Variants in POU3F3 observed in about 807,000 individuals in gnomAD.
The protein encoded by POU3F3 is POU class 3 homeobox 3, also known as POU domain, class 3, transcription factor 3.
A neutral mutation model predicts 8.6 loss-of-function variants in POU3F3; 1 was observed. The ratio of observed to expected loss-of-function variants is 0.12; its 90% CI spans 0.04 to 0.55. The LOEUF (loss-of-function observed/expected upper bound fraction) is 0.55. Ranked by LOEUF, POU3F3 falls within the 20% of genes least tolerant of loss-of-function variation. The pLI is 0.91. For synonymous variants in POU3F3, 418 were observed against 327.4 expected (o/e 1.28, Z -2.99); for missense variants, 577 against 690.7 (o/e 0.84, Z 1.84).
the POU3F3 span, among the ~76,000 whole-genome samples, chr2:104,922,230 T>C: frequency 6.6e-6 from 1 of 152,008 alleles, no homozygotes; most frequent in Non-Finnish European, 1.5e-5. Context: ...TAGATTCCAA[T>C]GTCTTGTTTT....
chr2:104,869,751 TCCC>T, the POU3F3 span: 2 of 151,902 alleles, frequency 1.3e-5, no homozygotes, highest in Admixed American at 6.6e-5. Flanking sequence ...CGCCCCTCGC[TCCC>T]CCCCACCTCC....
Position 104,855,264 on chromosome 2 carries a change from C to G in POU3F3, c.-247C>G, listed in dbSNP as rs1676526387. Among the ~76,000 whole-genome samples the G allele has an allele frequency of 6.7e-6, 1 of 149,758 alleles. No homozygotes were observed. Among genetic ancestry groups the G allele is most frequent in the Non-Finnish European group, 1.5e-5 (1 of 67,360 alleles). ...CCGGCCGGCGACCCCCGCGCCCTGCCGAGCGGCCTTGCAGCTGCAGCCGGG... is the reference window on the plus strand; with the variant it reads ...CCGGCCGGCGACCCCCGCGCCCTGCGGAGCGGCCTTGCAGCTGCAGCCGGG... On this transcript the variant is annotated 5_prime_UTR_variant, in exon 1 of 1. Coordinates refer to ENST00000361360, the MANE Select transcript of POU3F3 (RefSeq NM_006236.3).
chr2:104,855,605 GC>G lies in POU3F3; in HGVS notation c.96del (p.Gly34ValfsTer25). The G allele has an allele frequency of 1.0e-6, 1 of 972,856 alleles. No homozygotes were observed. Among genetic ancestry groups the G allele is most frequent in the Non-Finnish European group, 1.2e-6 (1 of 824,680 alleles). 60.3% of individuals were successfully genotyped at this position (972,856 alleles called of 1,614,324 possible). On this transcript the variant is annotated frameshift_variant, in exon 1 of 1. Transcript: ENST00000361360. LOFTEE classifies it low-confidence loss of function (END_TRUNC). ...VHSDAAGAGG[G>X]GGGGGGGGGG... ...TCGGACGCGGCAGGGGCTGGCGGCG[GC>G]GGGGGTGGCGGCGGCGGCGGCGGCG...
chr2:104,912,299 C>A, the POU3F3 span, among the ~76,000 whole-genome samples: 2 of 152,194 alleles, frequency 1.3e-5, no homozygotes, highest in Non-Finnish European at 2.9e-5. Context: ...GCTGGGGAAG[C>A]CTCCATCGTA....
the POU3F3 span, among the ~76,000 whole-genome samples, chr2:104,905,016 A>G: frequency 1.3e-3 from 192 of 152,280 alleles, no homozygotes; most frequent in African/African-American, 4.1e-3. Context: ...TATCAACCCC[A>G]TGGGTATTTA....
chr2:104,894,923 T>G, the POU3F3 span, among the ~76,000 whole-genome samples: 1 of 152,188 alleles, frequency 6.6e-6, no homozygotes, highest in Non-Finnish European at 1.5e-5. Flanking sequence ...TGTTCTCTTT[T>G]TTTTCTGTGC....
chr2:104,871,041 C>T, the POU3F3 span, among the ~76,000 whole-genome samples: 1 of 152,248 alleles, frequency 6.6e-6, no homozygotes, highest in Admixed American at 6.5e-5. Context: ...TTCATTTCCT[C>T]ACCTTCCAAA....
chr2:104,854,876 G>A lies in POU3F3; in HGVS notation c.-635G>A, dbSNP rs927077516. Among the ~76,000 whole-genome samples, 3 of 152,238 alleles carry A rather than the reference G, an allele frequency of 2.0e-5. No individual in the cohort carries two copies. The highest frequency in any genetic ancestry group is 7.2e-5 in the African/African-American group (3 of 41,478). Reference sequence around the variant, plus strand: ...GGAGAGGAGAGGAGAGAGCGGACAAGAGAAGGAGCGGGCCGGTTGCTGGTC... The same window carrying A: ...GGAGAGGAGAGGAGAGAGCGGACAAAAGAAGGAGCGGGCCGGTTGCTGGTC... On this transcript the variant is annotated 5_prime_UTR_variant, in exon 1 of 1. Coordinates refer to ENST00000361360, the MANE Select transcript of POU3F3 (RefSeq NM_006236.3). The surrounding 1 kb of genome is among the most constrained non-coding windows in gnomAD (Gnocchi z 4.5).
At chr2:104,887,059 C>A in the POU3F3 span, among the ~76,000 whole-genome samples, 1 of 151,948 alleles carries the variant, frequency 6.6e-6, no homozygotes, top group Non-Finnish European at 1.5e-5. Context: ...CATGGATTAT[C>A]TGTGTCTTCC....
At chr2:104,862,435 C>G (rs1676675626), downstream of POU3F3, among the ~76,000 whole-genome samples, 1 of 152,150 alleles carries the variant, frequency 6.6e-6, no homozygotes, top group Non-Finnish European at 1.5e-5. Context: ...GGGGTACAGG[C>G]GACGGGGTCA....
At chr2:104,884,507 A>G in the POU3F3 span, among the ~76,000 whole-genome samples, 1 of 152,222 alleles carries the variant, frequency 6.6e-6, no homozygotes, top group African/African-American at 2.4e-5. Context: ...AGCCAACTCA[A>G]GAAGAAACCT....
chr2:104,889,060 G>GCCCACCT, the POU3F3 span, among the ~76,000 whole-genome samples: 8 of 152,198 alleles, frequency 5.3e-5, no homozygotes, highest in African/African-American at 1.7e-4. Flanking sequence ...CATGTAGAAG[G>GCCCACCT]CCCACCTCCT....
the POU3F3 span, among the ~76,000 whole-genome samples, chr2:104,875,827 C>T: frequency 6.6e-6 from 1 of 152,186 alleles, no homozygotes; most frequent in African/African-American, 2.4e-5. Context: ...AGCAATTCTC[C>T]TGCCTCAGCC....
chr2:104,876,863 C>T, the POU3F3 span, among the ~76,000 whole-genome samples: 3 of 152,168 alleles, frequency 2.0e-5, no homozygotes, highest in Non-Finnish European at 4.4e-5. Context: ...CTTGCTGAAC[C>T]GCTAGAGCTC....
chr2:104,902,562 C>T, the POU3F3 span, among the ~76,000 whole-genome samples: 1 of 152,146 alleles, frequency 6.6e-6, no homozygotes, highest in Admixed American at 6.5e-5. Context: ...GTGGACTGTA[C>T]AGGCTTTGCA....
At chr2:104,892,186 G>A in the POU3F3 span, among the ~76,000 whole-genome samples, 1 of 152,176 alleles carries the variant, frequency 6.6e-6, no homozygotes. Flanking sequence ...ATGGGACAGA[G>A]TGAGGCATAC....
At chr2:104,863,782 A>G in the POU3F3 span, among the ~76,000 whole-genome samples, 355 of 152,308 alleles carry the variant, frequency 2.3e-3, 1 homozygote, top group African/African-American at 8.0e-3. Flanking sequence ...GACTTGTTCC[A>G]ACCCATAACC....
chr2:104,861,941 T>A (rs1244261068), downstream of POU3F3, among the ~76,000 whole-genome samples: 1 of 152,182 alleles, frequency 6.6e-6, no homozygotes, highest in Non-Finnish European at 1.5e-5. Context: ...CCTCTGCGTT[T>A]GCATCCTGAA....
the POU3F3 span, among the ~76,000 whole-genome samples, chr2:104,918,812 CA>C: frequency 6.6e-6 from 1 of 152,010 alleles, no homozygotes; most frequent in Non-Finnish European, 1.5e-5. Context: ...GTAATTATAA[CA>C]CTCTCCTGCC....
Sources: allele counts gnomAD v4.1 joint callset (sites outside exome capture counted in the v4.1 genomes callset), GRCh38; gene constraint gnomAD v4.1.1; non-coding constraint Gnocchi (gnomAD v3.1); transcripts MANE v1.5; gene names NCBI Gene and HGNC (gene_info 2026-07-23, HGNC 2026-07-21).